TXK: variants seen among roughly 807,000 people sequenced by gnomAD.
The protein encoded by TXK is tyrosine-protein kinase TXK.
A neutral mutation model predicts 81.0 loss-of-function variants in TXK; 60 were observed. That is an observed-to-expected ratio of 0.74 (90% CI 0.60 to 0.92). The LOEUF (loss-of-function observed/expected upper bound fraction) is 0.92. Ranked by LOEUF, TXK falls within the 40% of genes least tolerant of loss-of-function variation. The probability of loss-of-function intolerance (pLI) is 0.00; values close to 1 mark genes in which losing one functional copy is unlikely to be tolerated. For missense variants in TXK, 581 were observed against 638.3 expected, an observed-to-expected ratio of 0.91 and a Z score of 0.97; for synonymous variants, 203 against 210.7, an observed-to-expected ratio of 0.96 and a Z score of 0.32.
chr4:48,126,958 G>A (rs1719104096), intron 1 of TXK, among the ~76,000 whole-genome samples: 1 of 152,138 alleles, frequency 6.6e-6, no homozygotes, highest in Non-Finnish European at 1.5e-5. Flanking sequence ...CTGCAGCCTG[G>A]AATTTAGGAG....
chr4:48,106,176 C>A (rs1159639361), intron 5 of TXK: 1 of 152,100 alleles, frequency 6.6e-6, no homozygotes, highest in African/African-American at 2.4e-5. Flanking sequence ...ATATGTGCTG[C>A]CGAAGCAAGC....
intron 13 of TXK, among the ~76,000 whole-genome samples, chr4:48,072,826 C>T (rs529843268): frequency 3.1e-4 from 47 of 152,340 alleles, no homozygotes; most frequent in Admixed American, 1.8e-3. Flanking sequence ...AATTGCTCTT[C>T]AGTAGAGCTT....
intron 13 of TXK, among the ~76,000 whole-genome samples, chr4:48,072,218 G>A (rs1015105614): frequency 1.3e-5 from 2 of 152,152 alleles, no homozygotes; most frequent in Non-Finnish European, 1.5e-5. Flanking sequence ...TGGCCAGGCT[G>A]GTCTCGAGCT....
intron 10 of TXK, among the ~76,000 whole-genome samples, chr4:48,083,842 G>A (rs913567643): frequency 5.3e-5 from 8 of 152,102 alleles, no homozygotes; most frequent in African/African-American, 1.9e-4. Flanking sequence ...TACTTTGATG[G>A]AACTAACACA....
At chr4:48,086,314 G>C (rs538494981) in intron 10 of TXK, 152 bp downstream of exon 10, 1 of 730,586 alleles carries the variant, frequency 1.4e-6, no homozygotes, top group East Asian at 2.5e-5. Flanking sequence ...ATTCACCCAG[G>C]TCACACAGTG....
chr4:48,101,064 G>A (rs1258460564), intron 6 of TXK, among the ~76,000 whole-genome samples: 1 of 151,998 alleles, frequency 6.6e-6, no homozygotes, highest in Non-Finnish European at 1.5e-5. Context: ...TGTGGGTAGG[G>A]AAATTGGTGG....
intron 9 of TXK, 105 bp from the exon 10 acceptor site, chr4:48,086,742 A>G: frequency 5.6e-6 from 6 of 1,067,176 alleles, no homozygotes; most frequent in Non-Finnish European, 8.1e-6. Context: ...AGAGGTTAAA[A>G]AATGTATAAA....
intron 11 of TXK, among the ~76,000 whole-genome samples, chr4:48,078,089 G>A (rs1717140690): frequency 1.3e-5 from 2 of 152,170 alleles, no homozygotes; most frequent in African/African-American, 4.8e-5. Flanking sequence ...AAGCTTCCAA[G>A]TAATTGTAAT....
chr4:48,126,504 T>C (rs2109486067), intron 1 of TXK, among the ~76,000 whole-genome samples: 1 of 152,252 alleles, frequency 6.6e-6, no homozygotes, highest in South Asian at 2.1e-4. Flanking sequence ...TGTGGTTGTT[T>C]GTTTTGTTTT....
chr4:48,097,979 C>T (rs1218667042), intron 6 of TXK, among the ~76,000 whole-genome samples: 1 of 151,982 alleles, frequency 6.6e-6, no homozygotes, highest in Non-Finnish European at 1.5e-5. Flanking sequence ...GATCTCCTCA[C>T]CTTGCGATCC....
At chr4:48,083,955 G>T (rs1172864486) in intron 10 of TXK, among the ~76,000 whole-genome samples, 1 of 152,176 alleles carries the variant, frequency 6.6e-6, no homozygotes, top group Non-Finnish European at 1.5e-5. Flanking sequence ...CACACAGAAA[G>T]GAGCTAATAT....
At chr4:48,119,522 ATTTCTCTCTTCC>A (rs1465677111) in intron 1 of TXK, among the ~76,000 whole-genome samples, 11 of 151,868 alleles carry the variant, frequency 7.2e-5, no homozygotes, top group Admixed American at 3.9e-4. Context: ...GCTCCCCCCG[ATTTCTCTCTTCC>A]TTTCTCTCTT....
At chr4:48,094,325 A>G in intron 7 of TXK, 121 bp from the exon 8 acceptor site, 1 of 1,118,342 alleles carries the variant, frequency 8.9e-7, no homozygotes, top group South Asian at 1.5e-5. Context: ...ACTGAGAAGT[A>G]GATTGGCTAA....
chr4:48,117,679 C>G (rs1419541140), intron 1 of TXK, among the ~76,000 whole-genome samples: 3 of 152,204 alleles, frequency 2.0e-5, no homozygotes, highest in Non-Finnish European at 4.4e-5. Flanking sequence ...GTGAGAGAGG[C>G]TGCTCCAATC....
intron 1 of TXK, among the ~76,000 whole-genome samples, chr4:48,115,228 G>C (rs935313751): frequency 6.6e-6 from 1 of 152,026 alleles, no homozygotes; most frequent in African/African-American, 2.4e-5. Context: ...AGGCCCTGGT[G>C]TGTGATGTTC....
chr4:48,115,037 T>C (rs1295939829), intron 1 of TXK, among the ~76,000 whole-genome samples: 4 of 151,910 alleles, frequency 2.6e-5, no homozygotes, highest in South Asian at 2.1e-4. Context: ...TTCTTTCTTT[T>C]TTTTTTTAAT....
At position 48,095,489 on chromosome 4, in the gene TXK, T is replaced by C. The variant is rs143420783; in HGVS notation, c.502-267A>G. ...CTGTTACTGATTTTTCTAAGAAAAATTCTCTATTTGAAAACCTTGTACCCT... is the reference window on the plus strand; with the variant it reads ...CTGTTACTGATTTTTCTAAGAAAAACTCTCTATTTGAAAACCTTGTACCCT... On this transcript the variant is annotated intron_variant, in intron 6 of 14. Transcript: ENST00000264316. Among the ~76,000 whole-genome samples, 1,124 of 152,308 alleles carry C rather than the reference T, an allele frequency of 7.4e-3. 10 individuals are homozygous for C. The highest frequency in any genetic ancestry group is 0.027 in the Middle Eastern group (8 of 294).
At position 48,094,079 on chromosome 4, in the gene TXK, G is replaced by T. The variant is rs1215134590; in HGVS notation, c.707C>A (p.Ala236Asp). ...ELIWYHQHNAAGLMTRLRYPV... is the reference protein window; with the variant it reads ...ELIWYHQHNADGLMTRLRYPV... ...CCAGCTGGAAGTTCCCCTCTTACCG[G>T]CTGCATTGTGCTGGTGATACCAGAT... The change falls in exon 8 of 15, where the codon GCC becomes GAC. Residue 236 changes from alanine (A) to aspartate (D), a missense_variant and splice_region_variant. Physicochemically the swap from Ala to Asp is moderately radical, Grantham distance 126. Transcript: ENST00000264316. 1 of 1,613,306 alleles carries T rather than the reference G, an allele frequency of 6.2e-7. No individual in the cohort carries two copies. Among genetic ancestry groups the T allele is most frequent in the Non-Finnish European group, 8.5e-7 (1 of 1,180,026 alleles).
chr4:48,071,920 T>C (rs6447615), intron 13 of TXK, among the ~76,000 whole-genome samples: 104,857 of 143,002 alleles, frequency 0.73, 39,594 homozygotes, highest in Non-Finnish European at 0.8. Context: ...TGATTGCCTC[T>C]CCTATCAGGA....
Sources: gnomAD v4.1 joint callset for allele counts (sites outside exome capture counted in the v4.1 genomes callset) on GRCh38, gnomAD v4.1.1 for gene constraint, MANE v1.5 for transcripts, NCBI Gene and HGNC (gene_info 2026-07-23, HGNC 2026-07-21) for gene names.